The following FZD9 variants were observed in gnomAD, a reference collection of about 807,000 sequenced individuals.
FZD9 encodes the protein frizzled class receptor 9.
In FZD9, 29 loss-of-function variants were observed where a neutral mutation model predicts 29.9. The observed-to-expected ratio is 0.97, with a 90% confidence interval of 0.72 to 1.32. The LOEUF is 1.32. Among genes scored for constraint, FZD9 ranks in the 40% most tolerant of loss-of-function variants. The pLI is 0.00. For missense variants in FZD9, 822 were observed against 857.8 expected, an observed-to-expected ratio of 0.96 and a Z score of 0.52; for synonymous variants, 384 against 393.9, an observed-to-expected ratio of 0.97 and a Z score of 0.30.
Position 73,434,092 on chromosome 7 carries a change from G to C in FZD9, c.85G>C (p.Asp29His). 1 of 1,387,898 alleles carries C rather than the reference G, an allele frequency of 7.2e-7. No homozygotes were observed. 86.0% of individuals were successfully genotyped at this position (1,387,898 alleles called of 1,614,324 possible). A position where few individuals can be genotyped will look rare whatever the true frequency, so the allele number is the denominator to read the frequency against. The change falls in exon 1 of 1, where the codon GAC (aspartate) becomes CAC (histidine). Residue 29 changes from aspartate (D) to histidine (H), a missense_variant. Asp to His is a moderately conservative substitution (Grantham distance 81). Transcript: ENST00000344575. ...GGAALEIGRF[D>H]PERGRGAAPC... ...CGCGGCACTGGAGATCGGCCGCTTCGACCCGGAGCGCGGGCGCGGGGCTGC... is the reference window on the plus strand; with the variant it reads ...CGCGGCACTGGAGATCGGCCGCTTCCACCCGGAGCGCGGGCGCGGGGCTGC...
Position 73,435,405 on chromosome 7 carries a change from T to A in FZD9, c.1398T>A (p.Tyr466Ter). 6.2e-7 allele frequency: 1 copy of A among 1,613,954 alleles called. No homozygotes were observed. Residue 466 changes from tyrosine to a stop codon, truncating the protein, a stop_gained, in exon 1 of 1, where the codon TAT becomes TAA. Transcript: ENST00000344575. LOFTEE classifies it high-confidence loss of function. ...TVPATCVIVC[Y>*]VYERLNMDFW... Reference sequence around the variant, plus strand: ...CCGCCACCTGCGTCATCGTTTGCTATGTCTACGAACGCCTCAACATGGACT... The same window carrying A: ...CCGCCACCTGCGTCATCGTTTGCTAAGTCTACGAACGCCTCAACATGGACT...
chr7:73,434,489 C>T lies in FZD9; in HGVS notation c.482C>T (p.Ala161Val), dbSNP rs1554563311. 3 of 1,479,950 alleles carry T rather than the reference C, an allele frequency of 2.0e-6. No individual in the cohort carries two copies. The highest frequency in any genetic ancestry group is 2.7e-6 in the Non-Finnish European group (3 of 1,121,768). The allele number at this position is 1,479,950 out of a possible 1,614,324, so 91.7% of individuals were successfully genotyped here. Residue 161 changes from alanine (A) to valine (V), a missense_variant, in exon 1 of 1, where the codon GCC becomes GTC. Physicochemically the swap from Ala to Val is moderately conservative, Grantham distance 64. Coordinates refer to ENST00000344575, the MANE Select transcript of FZD9 (RefSeq NM_003508.3). ...ATGGAGGCGCCCGAGAACGCCACGG[C>T]CGGCCCCGCGGAGCCCCACAAGGGC... ...LCMEAPENAT[A>V]GPAEPHKGLG... is the part of the protein sequence containing the mutation.
Position 73,436,115 on chromosome 7 carries a change from G to A in FZD9, c.*332G>A, listed in dbSNP as rs1787419798. 1 of 247,474 alleles carries A rather than the reference G, an allele frequency of 4.0e-6. No homozygotes were observed. 15.3% of individuals were successfully genotyped at this position (247,474 alleles called of 1,614,324 possible). On this transcript the variant is annotated 3_prime_UTR_variant, in exon 1 of 1. Transcript: ENST00000344575. Reference sequence around the variant, plus strand: ...AGCTGTGACTGGAATAAACCCCCGCGTGGCACTGCTGAGTCCTCTCTGGCT... The same window carrying A: ...AGCTGTGACTGGAATAAACCCCCGCATGGCACTGCTGAGTCCTCTCTGGCT...
At position 73,435,181 on chromosome 7, in the gene FZD9, A is replaced by T. The variant is rs1554563538; in HGVS notation, c.1174A>T (p.Ser392Cys). 1 of 1,613,132 alleles carries T rather than the reference A, an allele frequency of 6.2e-7. No homozygotes were observed. The highest frequency in any genetic ancestry group is 1.3e-5 in the African/African-American group (1 of 75,078). The change falls in exon 1 of 1, where the codon AGC becomes TGC. Residue 392 changes from serine to cysteine, a missense_variant. Coordinates refer to ENST00000344575, the MANE Select transcript of FZD9 (RefSeq NM_003508.3). ...GCTGACTGGGCTTTGCTACGTGGCCAGCACGGATGCAGCAGCGCTCACGGG... is the reference window on the plus strand; with the variant it reads ...GCTGACTGGGCTTTGCTACGTGGCCTGCACGGATGCAGCAGCGCTCACGGG... The part of the protein sequence containing the change: ...DELTGLCYVA[S>C]TDAAALTGFV...
Position 73,435,635 on chromosome 7 carries a change from G to T in FZD9, c.1628G>T (p.Arg543Leu), listed in dbSNP as rs546151479. The T allele has an allele frequency of 1.1e-5, 17 of 1,613,020 alleles. No individual in the cohort carries two copies. Among genetic ancestry groups the T allele is most frequent in the South Asian group, 8.8e-5 (8 of 91,082 alleles). ...TFQTWQSLCY[R>L]KIAAGRARAK... ...CAGACCTGGCAGAGCCTGTGCTACC[G>T]CAAGATAGCAGCTGGCCGGGCCCGG... Residue 543 changes from arginine to leucine, a missense_variant, in exon 1 of 1, where the codon CGC (arginine) becomes CTC (leucine). Transcript: ENST00000344575.
chr7:73,434,576 C>A lies in FZD9; in HGVS notation c.569C>A (p.Ala190Glu). The A allele has an allele frequency of 6.7e-7, 1 of 1,488,082 alleles. No individual in the cohort carries two copies. Among genetic ancestry groups the A allele is most frequent in the Middle Eastern group, 1.8e-4 (1 of 5,708 alleles). The allele number at this position is 1,488,082 out of a possible 1,614,324, so 92.2% of individuals were successfully genotyped here. A position where few individuals can be genotyped will look rare whatever the true frequency, so the allele number is the denominator to read the frequency against. ...CCTCCCGGAGACCTGGGCCCGGGCG[C>A]GGGCGGCAGTGGCACCTGCGAGAAC... ...ARPPGDLGPGAGGSGTCENPE... is the reference protein window; with the variant it reads ...ARPPGDLGPGEGGSGTCENPE... Residue 190 changes from alanine (A) to glutamate (E), a missense_variant, in exon 1 of 1, where the codon GCG (alanine) becomes GAG (glutamate). By Grantham distance (107) the Ala-to-Glu change is moderately radical. Coordinates refer to ENST00000344575, the MANE Select transcript of FZD9 (RefSeq NM_003508.3).
Position 73,436,014 on chromosome 7 carries a change from G to A in FZD9, c.*231G>A. 4 of 507,600 alleles carry A rather than the reference G, an allele frequency of 7.9e-6. No homozygotes were observed. The highest frequency in any genetic ancestry group is 1.4e-5 in the Non-Finnish European group (4 of 284,280). 31.4% of individuals were successfully genotyped at this position (507,600 alleles called of 1,614,324 possible). On this transcript the variant is annotated 3_prime_UTR_variant, in exon 1 of 1. Coordinates refer to ENST00000344575, the MANE Select transcript of FZD9 (RefSeq NM_003508.3). ...TGAGTCCCCACAGGGTCCTAGTGGA[G>A]GATGTGGAGGGGCGGGGCAGAGGGG...
Position 73,434,230 on chromosome 7 carries a change from G to T in FZD9, c.223G>T (p.Glu75Ter). Reference sequence around the variant, plus strand: ...GGGCGAGGCGGCTGCCGAGCTAGCGGAGTTCGCGCCGCTGGTGCAGTACGG... The same window carrying T: ...GGGCGAGGCGGCTGCCGAGCTAGCGTAGTTCGCGCCGCTGGTGCAGTACGG... ...SQGEAAAELA[E>*]FAPLVQYGCH... The change falls in exon 1 of 1, where the codon GAG (glutamate) becomes TAG (stop). Residue 75 changes from glutamate (E) to a stop codon, truncating the protein, a stop_gained. Coordinates refer to ENST00000344575, the MANE Select transcript of FZD9 (RefSeq NM_003508.3). LOFTEE classifies it low-confidence loss of function (END_TRUNC). 1 of 1,581,674 alleles carries T rather than the reference G, an allele frequency of 6.3e-7. No homozygotes were observed. Among genetic ancestry groups the T allele is most frequent in the Non-Finnish European group, 8.5e-7 (1 of 1,171,080 alleles).
chr7:73,434,280 C>T lies in FZD9; in HGVS notation c.273C>T (p.Phe91=). 6.3e-7 allele frequency: 1 copy of T among 1,588,194 alleles called. No homozygotes were observed. The highest frequency in any genetic ancestry group is 1.7e-5 in the Admixed American group (1 of 58,022). ...GCTGCCACAGCCACCTGCGCTTCTT[C>T]CTGTGCTCGCTCTACGCGCCCATGT... ...QYGCHSHLRF[F]LCSLYAPMCT... Residue 91 remains phenylalanine (F), a synonymous_variant, in exon 1 of 1, where the codon TTC becomes TTT. Coordinates refer to ENST00000344575, the MANE Select transcript of FZD9 (RefSeq NM_003508.3).
Position 73,435,503 on chromosome 7 carries a change from T to A in FZD9, c.1496T>A (p.Leu499Gln). ...CCCGGAGGCCGGAGGGACTGCTCGCTGCCAGGGGGCTCGGTGCCCACCGTG... is the reference window on the plus strand; with the variant it reads ...CCCGGAGGCCGGAGGGACTGCTCGCAGCCAGGGGGCTCGGTGCCCACCGTG... ...AGPGGRRDCS[L>Q]PGGSVPTVAV... Residue 499 changes from leucine (L) to glutamine (Q), a missense_variant, in exon 1 of 1, where the codon CTG becomes CAG. Transcript: ENST00000344575. The A allele has an allele frequency of 6.2e-7, 1 of 1,613,068 alleles. No individual in the cohort carries two copies. The highest frequency in any genetic ancestry group is 8.5e-7 in the Non-Finnish European group (1 of 1,179,688).
chr7:73,433,999 C>T lies in FZD9; in HGVS notation c.-9C>T. Reference sequence around the variant, plus strand: ...GCCGCGCTCCCGCCTTCGGCCCGGGCCTCCCGGGATGGCCGTGGCGCCTCT... The same window carrying T: ...GCCGCGCTCCCGCCTTCGGCCCGGGTCTCCCGGGATGGCCGTGGCGCCTCT... On this transcript the variant is annotated 5_prime_UTR_variant, in exon 1 of 1. Coordinates refer to ENST00000344575, the MANE Select transcript of FZD9 (RefSeq NM_003508.3). 1 of 1,206,954 alleles carries T rather than the reference C, an allele frequency of 8.3e-7. No individual in the cohort carries two copies. Among genetic ancestry groups the T allele is most frequent in the Non-Finnish European group, 1.0e-6 (1 of 972,426 alleles). The allele number at this position is 1,206,954 out of a possible 1,614,324, so 74.8% of individuals were successfully genotyped here.
Position 73,434,567 on chromosome 7 carries a change from G to A in FZD9, c.560G>A (p.Gly187Asp), listed in dbSNP as rs1554563346. 2.7e-6 allele frequency: 4 copies of A among 1,474,486 alleles called. No homozygotes were observed. In the African/African-American group the frequency reaches 5.7e-5, roughly 21 times the overall value. The allele number at this position is 1,474,486 out of a possible 1,614,324, so 91.3% of individuals were successfully genotyped here. A position where few individuals can be genotyped will look rare whatever the true frequency, so the allele number is the denominator to read the frequency against. Residue 187 changes from glycine (G) to aspartate (D), a missense_variant, in exon 1 of 1, where the codon GGC becomes GAC. Transcript: ENST00000344575. Reference sequence around the variant, plus strand: ...CCCGCGCGCCCTCCCGGAGACCTGGGCCCGGGCGCGGGCGGCAGTGGCACC... The same window carrying A: ...CCCGCGCGCCCTCCCGGAGACCTGGACCCGGGCGCGGGCGGCAGTGGCACC... Reference protein sequence around the residue: ...PRPARPPGDLGPGAGGSGTCE... With the variant: ...PRPARPPGDLDPGAGGSGTCE...
chr7:73,435,645 A>T lies in FZD9; in HGVS notation c.1638A>T (p.Ala546=), dbSNP rs782528556. ...TWQSLCYRKI[A]AGRARAKACR... is the part of the protein sequence containing the mutation. ...AGAGCCTGTGCTACCGCAAGATAGCAGCTGGCCGGGCCCGGGCCAAGGCCT... is the reference window on the plus strand; with the variant it reads ...AGAGCCTGTGCTACCGCAAGATAGCTGCTGGCCGGGCCCGGGCCAAGGCCT... Residue 546 remains alanine (A), a synonymous_variant, in exon 1 of 1, where the codon GCA becomes GCT. Transcript: ENST00000344575. The T allele has an allele frequency of 1.2e-6, 2 of 1,613,166 alleles. No homozygotes were observed. The highest frequency in any genetic ancestry group is 1.1e-5 in the South Asian group (1 of 91,084).
In FZD9 at chr7:73,434,244, G is replaced by A. The variant is rs1787351443; in HGVS notation, c.237G>A (p.Leu79=). 2 of 1,584,850 alleles carry A rather than the reference G, an allele frequency of 1.3e-6. No individual in the cohort carries two copies. The highest frequency in any genetic ancestry group is 8.5e-7 in the Non-Finnish European group (1 of 1,172,618). The stretch of plus-strand genomic sequence containing the variant: ...CCGAGCTAGCGGAGTTCGCGCCGCT[G>A]GTGCAGTACGGCTGCCACAGCCACC... The part of the protein sequence containing the change: ...AAAELAEFAP[L]VQYGCHSHLR... The change falls in exon 1 of 1, where the codon CTG becomes CTA. Residue 79 remains leucine, a synonymous_variant. Transcript: ENST00000344575.
Position 73,434,783 on chromosome 7 carries a change from G to T in FZD9, c.776G>T (p.Arg259Leu). Reference sequence around the variant, plus strand: ...CTCACCTTCTTGCTGGAGCCCCACCGCTTCCAGTACCCCGAGCGCCCCATC... The same window carrying T: ...CTCACCTTCTTGCTGGAGCCCCACCTCTTCCAGTACCCCGAGCGCCCCATC... ...TVLTFLLEPH[R>L]FQYPERPIIF... The change falls in exon 1 of 1, where the codon CGC becomes CTC. Residue 259 changes from arginine to leucine, a missense_variant. Physicochemically the swap from Arg to Leu is moderately radical, Grantham distance 102. Transcript: ENST00000344575. 1.2e-6 allele frequency: 2 copies of T among 1,612,620 alleles called. No individual in the cohort carries two copies. The highest frequency in any genetic ancestry group is 1.7e-6 in the Non-Finnish European group (2 of 1,179,966).
rs1554563448 is a variant in FZD9 at position 73,434,817 on chromosome 7, C to T, written c.810C>T (p.Leu270=). The T allele has an allele frequency of 6.2e-7, 1 of 1,613,310 alleles. No individual in the cohort carries two copies. Among genetic ancestry groups the T allele is most frequent in the East Asian group, 2.2e-5 (1 of 44,870 alleles). Residue 270 remains leucine, a synonymous_variant, in exon 1 of 1, where the codon CTC becomes CTT. Transcript: ENST00000344575. The part of the protein sequence containing the change: ...FQYPERPIIF[L]SMCYNVYSLA... ...ACCCCGAGCGCCCCATCATCTTCCT[C>T]TCCATGTGCTACAACGTCTACTCGC...
In FZD9 at chr7:73,434,620, G is replaced by T. The variant is rs1280407029; in HGVS notation, c.613G>T (p.Val205Leu). ...TCENPEKFQYVEKSRSCAPRC... is the reference protein window; with the variant it reads ...TCENPEKFQYLEKSRSCAPRC... ...CGAGAACCCCGAGAAGTTCCAGTAC[G>T]TGGAGAAGAGCCGCTCGTGCGCACC... The change falls in exon 1 of 1, where the codon GTG becomes TTG. Residue 205 changes from valine to leucine, a missense_variant. Coordinates refer to ENST00000344575, the MANE Select transcript of FZD9 (RefSeq NM_003508.3). 2 of 1,584,674 alleles carry T rather than the reference G, an allele frequency of 1.3e-6. No homozygotes were observed. The highest frequency in any genetic ancestry group is 1.3e-5 in the African/African-American group (1 of 74,572).
At position 73,435,886 on chromosome 7, in the gene FZD9, A is replaced by G. The variant is rs1787414257; in HGVS notation, c.*103A>G. On this transcript the variant is annotated 3_prime_UTR_variant, in exon 1 of 1. Coordinates refer to ENST00000344575, the MANE Select transcript of FZD9 (RefSeq NM_003508.3). ...GCTGACTAGCAGCTGCCCAGCTGTC[A>G]AGGTCAGGCAAGTGAGCACCGGGGA... 2.1e-6 allele frequency: 3 copies of G among 1,440,504 alleles called. No individual in the cohort carries two copies. The highest frequency in any genetic ancestry group is 2.3e-5 in the Admixed American group (1 of 43,922). The allele number at this position is 1,440,504 out of a possible 1,614,324, so 89.2% of individuals were successfully genotyped here.
At position 73,435,590 on chromosome 7, in the gene FZD9, T is replaced by C; in HGVS notation, c.1583T>C (p.Val528Ala). ...LVVGITSGVW[V>A]WSSKTFQTWQ... is the part of the protein sequence containing the mutation. ...GTGGGGATCACCAGCGGCGTCTGGG[T>C]GTGGAGCTCCAAGACTTTCCAGACC... The change falls in exon 1 of 1, where the codon GTG (valine) becomes GCG (alanine). Residue 528 changes from valine to alanine, a missense_variant. Val to Ala is a moderately conservative substitution (Grantham distance 64, BLOSUM62 0). Transcript: ENST00000344575. 1 of 1,613,078 alleles carries C rather than the reference T, an allele frequency of 6.2e-7. No homozygotes were observed. The highest frequency in any genetic ancestry group is 8.5e-7 in the Non-Finnish European group (1 of 1,179,840).
Sources: allele counts gnomAD v4.1 joint callset, GRCh38; gene constraint gnomAD v4.1.1; transcripts MANE v1.5; gene names NCBI Gene and HGNC (gene_info 2026-07-23, HGNC 2026-07-21).